Variants in PRKG1 observed in about 807,000 individuals in gnomAD.
PRKG1 encodes the protein cGMP-dependent protein kinase 1.
Under a neutral mutation model 88.1 loss-of-function variants are expected in PRKG1, and 35 were observed. The observed-to-expected ratio is 0.40, with a 90% confidence interval of 0.30 to 0.53. The LOEUF is 0.53. PRKG1 is among the 20% of genes least tolerant of loss of function. The probability of loss-of-function intolerance (pLI) is 0.59; values close to 1 mark genes in which losing one functional copy is unlikely to be tolerated. For synonymous variants in PRKG1, 303 were observed against 292.5 expected (o/e 1.04, Z -0.37); for missense variants, 540 against 839.8 (o/e 0.64, Z 4.41).
At chr10:51,568,843 C>A (rs1281097431) in intron 3 of PRKG1, 1 of 151,962 alleles carries the variant, frequency 6.6e-6, no homozygotes, top group East Asian at 1.9e-4. Flanking sequence ...AATTAAGCGA[C>A]CATTGGTCAA....
At chr10:51,873,925 TA>T (rs1298363077) in intron 4 of PRKG1, among the ~76,000 whole-genome samples, 1 of 150,960 alleles carries the variant, frequency 6.6e-6, no homozygotes, top group Admixed American at 6.7e-5. Flanking sequence ...GCATTTTTTT[TA>T]AAACAAGTCC....
intron 1 of PRKG1, among the ~76,000 whole-genome samples, chr10:51,082,050 G>A (rs1224282268): frequency 2.6e-5 from 4 of 152,080 alleles, no homozygotes; most frequent in Admixed American, 2.0e-4. Context: ...GTAAGCCACC[G>A]CACCCCACCT....
chr10:51,619,228 G>A (rs553463462), intron 3 of PRKG1, among the ~76,000 whole-genome samples: 1 of 152,218 alleles, frequency 6.6e-6, no homozygotes, highest in East Asian at 1.9e-4. Context: ...GTAATTGAAG[G>A]TTTCAAGGAA....
At chr10:51,050,759 A>C (rs1193991142) in intron 1 of PRKG1, among the ~76,000 whole-genome samples, 2 of 152,106 alleles carry the variant, frequency 1.3e-5, no homozygotes, top group Non-Finnish European at 2.9e-5. Flanking sequence ...TAGTGGCTGC[A>C]CCAGTTTACA....
At chr10:51,872,915 G>A (rs925728942) in intron 4 of PRKG1, among the ~76,000 whole-genome samples, 1 of 151,692 alleles carries the variant, frequency 6.6e-6, no homozygotes, top group Non-Finnish European at 1.5e-5. Context: ...TTGATTTTAG[G>A]AAATTAAAAT....
intron 4 of PRKG1, among the ~76,000 whole-genome samples, chr10:51,902,476 A>T (rs1016745215): frequency 2.0e-5 from 3 of 152,216 alleles, no homozygotes; most frequent in African/African-American, 7.2e-5. Context: ...TATAAGTAAG[A>T]TAAAATTTTA....
At chr10:51,699,685 C>T in intron 3 of PRKG1, 1 of 981,362 alleles carries the variant, frequency 1.0e-6, no homozygotes, top group Non-Finnish European at 1.5e-6. Context: ...AATCGTTCCG[C>T]TTGCCTGTGG....
intron 3 of PRKG1, among the ~76,000 whole-genome samples, chr10:51,493,812 C>A (rs1474227190): frequency 6.6e-6 from 1 of 152,138 alleles, no homozygotes; most frequent in East Asian, 1.9e-4. Context: ...GAGAATATAT[C>A]ATCATTTGCT....
intron 3 of PRKG1, among the ~76,000 whole-genome samples, chr10:51,728,636 G>A (rs1268312146): frequency 2.0e-5 from 3 of 151,880 alleles, no homozygotes; most frequent in African/African-American, 7.2e-5. Context: ...CTGAACTAGT[G>A]CCTGGCACAT....
chr10:51,238,443 C>T lies in PRKG1; in HGVS notation c.478+85113C>T, dbSNP rs138328081. ...TAAAAGTACAAAACAATTAGCTGGG[C>T]GTGGTGGCGGGCCCCGTTATCCCAG... On this transcript the variant is annotated intron_variant, in intron 2 of 17. Transcript: ENST00000373980. Among the ~76,000 whole-genome samples the T allele has an allele frequency of 3.0e-3, 460 of 152,078 alleles. 1 individual carries two copies. Among genetic ancestry groups the T allele is most frequent in the African/African-American group, 0.01 (426 of 41,482 alleles).
chr10:51,292,408 G>A (rs980919233), intron 2 of PRKG1, among the ~76,000 whole-genome samples: 1 of 152,110 alleles, frequency 6.6e-6, no homozygotes, highest in South Asian at 2.1e-4. Flanking sequence ...AGTGACATAG[G>A]CCTGCTATTT....
chr10:51,801,357 A>C (rs967085676), intron 3 of PRKG1, among the ~76,000 whole-genome samples: 1 of 152,090 alleles, frequency 6.6e-6, no homozygotes, highest in Non-Finnish European at 1.5e-5. Flanking sequence ...ATGCTTTTTA[A>C]ATTTTTCAAC....
intron 2 of PRKG1, among the ~76,000 whole-genome samples, chr10:51,180,471 G>A (rs980089854): frequency 2.0e-5 from 3 of 152,198 alleles, no homozygotes; most frequent in African/African-American, 4.8e-5. Context: ...GACAGCTGGT[G>A]TAGAAGATAT....
intron 4 of PRKG1, among the ~76,000 whole-genome samples, chr10:51,814,211 T>C (rs1039151539): frequency 6.6e-6 from 1 of 152,204 alleles, no homozygotes. Context: ...TTTGGACACA[T>C]ACAAAGTATC....
chr10:51,776,553 G>A (rs1040863279), intron 3 of PRKG1, among the ~76,000 whole-genome samples: 11 of 152,102 alleles, frequency 7.2e-5, no homozygotes, highest in Non-Finnish European at 1.6e-4. Context: ...GGCCGGGCAT[G>A]GTGGTTCATG....
intron 9 of PRKG1, among the ~76,000 whole-genome samples, chr10:52,249,939 C>A (rs1468159980): frequency 6.6e-6 from 1 of 152,200 alleles, no homozygotes; most frequent in Non-Finnish European, 1.5e-5. Flanking sequence ...ACAACGATCT[C>A]ATTAAGGATT....
At chr10:51,137,524 A>G (rs1299369921) in intron 1 of PRKG1, among the ~76,000 whole-genome samples, 1 of 152,196 alleles carries the variant, frequency 6.6e-6, no homozygotes, top group African/African-American at 2.4e-5. Flanking sequence ...GGTGGTGAGA[A>G]GGTTCTATAC....
intron 5 of PRKG1, among the ~76,000 whole-genome samples, chr10:51,957,925 T>C (rs1252721691): frequency 6.6e-6 from 1 of 152,290 alleles, no homozygotes; most frequent in Non-Finnish European, 1.5e-5. Context: ...TTAAAGACAG[T>C]GCCAGTGAGT....
At chr10:51,157,880 T>A (rs1183424243) in intron 2 of PRKG1, among the ~76,000 whole-genome samples, 1 of 151,944 alleles carries the variant, frequency 6.6e-6, no homozygotes, top group Non-Finnish European at 1.5e-5. Context: ...TTTGTTTTAT[T>A]CATTTAATTG....
Sources: gnomAD v4.1 joint callset for allele counts (sites outside exome capture counted in the v4.1 genomes callset) on GRCh38, gnomAD v4.1.1 for gene constraint, MANE v1.5 for transcripts, NCBI Gene and HGNC (gene_info 2026-07-23, HGNC 2026-07-21) for gene names.